The following DLGAP1 variants were observed in gnomAD, a reference collection of about 807,000 sequenced individuals.
The protein encoded by DLGAP1 is DLG associated protein 1.
Under a neutral mutation model 90.8 loss-of-function variants are expected in DLGAP1, and 11 were observed. The ratio of observed to expected loss-of-function variants is 0.12; its 90% CI spans 0.08 to 0.20. The LOEUF (loss-of-function observed/expected upper bound fraction) is 0.20. DLGAP1 is among the 10% of genes least tolerant of loss of function. DLGAP1 has a pLI of 1.00. For missense variants in DLGAP1, 1,050 were observed against 1,333.8 expected (o/e 0.79, Z 3.31); for synonymous variants, 558 against 540.7 (o/e 1.03, Z -0.44).
chr18:3,739,006 T>C (rs1490564656), intron 6 of DLGAP1, among the ~76,000 whole-genome samples: 62 of 149,682 alleles, frequency 4.1e-4, no homozygotes, highest in African/African-American at 1.4e-3. Flanking sequence ...ATTTATGCAG[T>C]CAAAAAACAC....
chr18:4,269,571 G>T (rs981912161), intron 1 of DLGAP1, among the ~76,000 whole-genome samples: 2 of 151,732 alleles, frequency 1.3e-5, no homozygotes, highest in East Asian at 1.9e-4. Flanking sequence ...AGCCAGGATG[G>T]TCTCGATCTC....
chr18:3,733,714 T>C (rs1003363571), intron 6 of DLGAP1, among the ~76,000 whole-genome samples: 9 of 152,204 alleles, frequency 5.9e-5, no homozygotes, highest in East Asian at 1.9e-4. Context: ...TCAGAATGTG[T>C]TCATGGAATC....
At chr18:3,701,046 A>G (rs975316253) in intron 7 of DLGAP1, among the ~76,000 whole-genome samples, 1 of 152,126 alleles carries the variant, frequency 6.6e-6, no homozygotes, top group Non-Finnish European at 1.5e-5. Flanking sequence ...ATACCAGGCT[A>G]AGTTTTAAAT....
At chr18:4,205,828 C>A (rs1255879015) in intron 1 of DLGAP1, among the ~76,000 whole-genome samples, 1 of 152,140 alleles carries the variant, frequency 6.6e-6, no homozygotes, top group Non-Finnish European at 1.5e-5. Context: ...TAAGGAGAAG[C>A]CACATACAAT....
chr18:4,413,790 T>C (rs2082833463), intron 1 of DLGAP1, among the ~76,000 whole-genome samples: 1 of 152,184 alleles, frequency 6.6e-6, no homozygotes, highest in South Asian at 2.1e-4. Flanking sequence ...CTTTCTTATC[T>C]GGGGGTTACT....
chr18:4,143,034 G>A (rs1020440313), intron 2 of DLGAP1, among the ~76,000 whole-genome samples: 2 of 152,144 alleles, frequency 1.3e-5, no homozygotes, highest in Non-Finnish European at 2.9e-5. Flanking sequence ...ACCTGTGGCC[G>A]CCACCACCAC....
At chr18:4,015,437 TC>T (rs2074505704) in intron 2 of DLGAP1, among the ~76,000 whole-genome samples, 1 of 152,176 alleles carries the variant, frequency 6.6e-6, no homozygotes, top group African/African-American at 2.4e-5. Context: ...GATTTTGGTA[TC>T]CTTACTCTGG....
chr18:3,931,667 C>A (rs546238482), intron 3 of DLGAP1, among the ~76,000 whole-genome samples: 1 of 152,240 alleles, frequency 6.6e-6, no homozygotes, highest in Non-Finnish European at 1.5e-5. Context: ...TTGTCCTGGC[C>A]AAAAGCATCT....
intron 3 of DLGAP1, among the ~76,000 whole-genome samples, chr18:4,000,607 G>A (rs941867718): frequency 2.0e-5 from 3 of 152,210 alleles, no homozygotes; most frequent in African/African-American, 4.8e-5. Flanking sequence ...AGGCTCATAG[G>A]AACATTACTC....
intron 4 of DLGAP1, among the ~76,000 whole-genome samples, chr18:3,838,619 T>G (rs1439942315): frequency 6.6e-6 from 1 of 152,230 alleles, no homozygotes; most frequent in East Asian, 1.9e-4. Context: ...ATTTAATCAC[T>G]TGATAACTCA....
intron 3 of DLGAP1, among the ~76,000 whole-genome samples, chr18:3,914,928 A>G (rs931824423): frequency 3.3e-5 from 5 of 152,066 alleles, no homozygotes; most frequent in African/African-American, 1.2e-4. Flanking sequence ...GTTTTTGTAG[A>G]GACAGGGTTT....
At chr18:4,348,443 T>TGTGTGTGTGTGTGTGTGTGTAC (rs2081343799) in intron 1 of DLGAP1, among the ~76,000 whole-genome samples, 1 of 148,276 alleles carries the variant, frequency 6.7e-6, no homozygotes, top group Non-Finnish European at 1.5e-5. Context: ...TGTGTGTGTG[T>TGTGTGTGTGTGTGTGTGTGTAC]ACAAACTGAC....
At chr18:4,105,889 G>A (rs374155811) in intron 2 of DLGAP1, among the ~76,000 whole-genome samples, 49 of 151,984 alleles carry the variant, frequency 3.2e-4, no homozygotes, top group Middle Eastern at 3.4e-3. Flanking sequence ...AAAATTAGCC[G>A]GGCGTGGTGG....
chr18:3,567,688 G>T (rs1426927801), intron 8 of DLGAP1, 107 bp from the exon 9 acceptor site: 3 of 974,794 alleles, frequency 3.1e-6, no homozygotes. Flanking sequence ...GGAATGTTTT[G>T]TAATTTATAA....
chr18:4,332,864 T>C (rs1314765714), intron 1 of DLGAP1, among the ~76,000 whole-genome samples: 1 of 151,960 alleles, frequency 6.6e-6, no homozygotes, highest in African/African-American at 2.4e-5. Flanking sequence ...ATACATGTTA[T>C]TTCTGCCTAC....
chr18:3,919,745 A>G (rs553965708), intron 3 of DLGAP1, among the ~76,000 whole-genome samples: 2 of 152,360 alleles, frequency 1.3e-5, no homozygotes, highest in African/African-American at 2.4e-5. Context: ...CTACAATATT[A>G]TCACTAGCAT....
At chr18:3,874,674 A>G in intron 4 of DLGAP1, 1 of 1,535,524 alleles carries the variant, frequency 6.5e-7, no homozygotes. Flanking sequence ...ATCTCAACTG[A>G]GAATTAAACA....
At chr18:3,710,308 C>T (rs1201679290) in intron 7 of DLGAP1, among the ~76,000 whole-genome samples, 1 of 152,194 alleles carries the variant, frequency 6.6e-6, no homozygotes, top group East Asian at 1.9e-4. Context: ...ATAAAAAATT[C>T]TCACCTGCCC....
rs763903924 is a variant in DLGAP1 at position 3,596,947 on chromosome 18, C to T, written c.1592-14699G>A. 9.6e-6 allele frequency: 5 copies of T among 520,030 alleles called. 1 individual carries two copies. The highest frequency in any genetic ancestry group is 7.8e-5 in the Admixed American group (4 of 51,570). 32.2% of individuals were successfully genotyped at this position (520,030 alleles called of 1,614,324 possible). A position where few individuals can be genotyped will look rare whatever the true frequency, so the allele number is the denominator to read the frequency against. On this transcript the variant is annotated intron_variant, in intron 7 of 12. Coordinates refer to ENST00000315677, the MANE Select transcript of DLGAP1 (RefSeq NM_004746.4). ...CCATTCTCTGACACCAGCTGGTCCCCTGGGTCGTCCACCCGATGTCCCCCA... is the reference window on the plus strand; with the variant it reads ...CCATTCTCTGACACCAGCTGGTCCCTTGGGTCGTCCACCCGATGTCCCCCA...
Sources: gnomAD v4.1 joint callset for allele counts (sites outside exome capture counted in the v4.1 genomes callset) on GRCh38, gnomAD v4.1.1 for gene constraint, MANE v1.5 for transcripts, NCBI Gene and HGNC (gene_info 2026-07-23, HGNC 2026-07-21) for gene names.